The following SLC16A7 variants were observed in gnomAD, a reference collection of about 807,000 sequenced individuals.
The protein encoded by SLC16A7 is monocarboxylate transporter 2.
In SLC16A7, 33 loss-of-function variants were observed where a neutral mutation model predicts 34.9. The ratio of observed to expected loss-of-function variants is 0.94; its 90% CI spans 0.72 to 1.26. SLC16A7 has a LOEUF of 1.26. SLC16A7 is among the 50% of genes most tolerant of loss of function. The pLI is 0.00. For missense variants in SLC16A7, 573 were observed against 578.1 expected (o/e 0.99, Z 0.09); for synonymous variants, 201 against 206.6 (o/e 0.97, Z 0.23).
At chr12:59,612,126 G>C (rs1295642341) in intron 1 of SLC16A7, among the ~76,000 whole-genome samples, 2 of 152,168 alleles carry the variant, frequency 1.3e-5, no homozygotes, top group African/African-American at 4.8e-5. Flanking sequence ...CTTCCTCACT[G>C]TCCTCAGCAG....
At chr12:59,688,088 G>C (rs1017500893) in intron 2 of SLC16A7, among the ~76,000 whole-genome samples, 2 of 151,988 alleles carry the variant, frequency 1.3e-5, no homozygotes, top group Non-Finnish European at 2.9e-5. Flanking sequence ...TCATAATCCT[G>C]ATTATTGGTA....
intron 5 of SLC16A7, 28 bp from the exon 6 acceptor site, chr12:59,779,395 A>AACTT: frequency 6.6e-7 from 1 of 1,524,134 alleles, no homozygotes. Flanking sequence ...TTATTATGCC[A>AACTT]ACTTAAAAGA....
At chr12:59,708,784 ATT>A (rs1873882543) in intron 3 of SLC16A7, among the ~76,000 whole-genome samples, 2 of 151,774 alleles carry the variant, frequency 1.3e-5, no homozygotes, top group Non-Finnish European at 1.5e-5. Flanking sequence ...GTAGCAAGGT[ATT>A]ATCTTCCCTT....
In SLC16A7 at chr12:59,779,431, G is replaced by A. The variant is rs759066157; in HGVS notation, c.1189G>A (p.Val397Met). The A allele has an allele frequency of 4.4e-6, 7 of 1,583,984 alleles. No homozygotes were observed. The highest frequency in any genetic ancestry group is 2.6e-6 in the Non-Finnish European group (3 of 1,162,676). ...LLGPPLAGKL[V>M]DLTGEYKYMY... ...TGTTCTTTGTCTTCTAGGTAAATTG[G>A]TGGATTTAACTGGAGAATATAAATA... The change falls in exon 6 of 6, where the codon GTG becomes ATG. Residue 397 changes from valine to methionine, a missense_variant. Val to Met is a conservative substitution (Grantham distance 21). Transcript: ENST00000547379.
At chr12:59,732,399 G>A (rs1592596816) in intron 3 of SLC16A7, among the ~76,000 whole-genome samples, 1 of 152,120 alleles carries the variant, frequency 6.6e-6, no homozygotes, top group Non-Finnish European at 1.5e-5. Context: ...CAGCCTGGGC[G>A]ACAAGAGCAA....
At chr12:59,619,355 C>T (rs1455879615) in intron 1 of SLC16A7, among the ~76,000 whole-genome samples, 1 of 151,978 alleles carries the variant, frequency 6.6e-6, no homozygotes, top group Non-Finnish European at 1.5e-5. Context: ...TTACTGAATC[C>T]ATGAAAAGTG....
chr12:59,641,941 T>C (rs1880705862), intron 1 of SLC16A7, among the ~76,000 whole-genome samples: 2 of 152,152 alleles, frequency 1.3e-5, no homozygotes, highest in South Asian at 4.1e-4. Flanking sequence ...TTATCAAAAC[T>C]GTATCTATGT....
chr12:59,735,662 TAGGTA>T (rs1486971733), intron 3 of SLC16A7, among the ~76,000 whole-genome samples: 1 of 152,206 alleles, frequency 6.6e-6, no homozygotes, highest in African/African-American at 2.4e-5. Flanking sequence ...TGCCTTATCA[TAGGTA>T]ACTGTGGGGT....
chr12:59,752,465 C>T (rs898880632), intron 3 of SLC16A7, among the ~76,000 whole-genome samples: 1 of 152,048 alleles, frequency 6.6e-6, no homozygotes, highest in Non-Finnish European at 1.5e-5. Context: ...AATGCAGAAA[C>T]CTCAGGAGCG....
chr12:59,740,484 GA>G (rs1878181843), intron 3 of SLC16A7, among the ~76,000 whole-genome samples: 1 of 152,032 alleles, frequency 6.6e-6, no homozygotes, highest in African/African-American at 2.4e-5. Context: ...AGCAGATGCA[GA>G]AAAGGCCTTT....
chr12:59,703,535 TA>T (rs1218238196), intron 2 of SLC16A7, among the ~76,000 whole-genome samples: 26 of 152,282 alleles, frequency 1.7e-4, no homozygotes, highest in Admixed American at 1.6e-3. Context: ...AATATATTTA[TA>T]AAAAATGTTT....
rs1364588697 is a variant in SLC16A7 at position 59,780,375 on chromosome 12, A to G, written c.*696A>G. ...GACTACTATAAAAATATTTGCATAT[A>G]TAAGTTTGACAAAGAAAAGAAAATC... On this transcript the variant is annotated 3_prime_UTR_variant, in exon 6 of 6. Transcript: ENST00000547379. 6.6e-6 allele frequency: 1 copy of G among 152,130 alleles called. No homozygotes were observed. The highest frequency in any genetic ancestry group is 1.9e-4 in the East Asian group (1 of 5,196). 9.4% of individuals were successfully genotyped at this position (152,130 alleles called of 1,614,324 possible). A position where few individuals can be genotyped will look rare whatever the true frequency, so the allele number is the denominator to read the frequency against.
At chr12:59,630,114 T>C (rs967718381) in intron 1 of SLC16A7, among the ~76,000 whole-genome samples, 4 of 151,986 alleles carry the variant, frequency 2.6e-5, no homozygotes, top group East Asian at 3.9e-4. Flanking sequence ...TGACTCTCCT[T>C]CTTTCTTTCT....
In SLC16A7 at chr12:59,759,536, G is replaced by A. The variant is rs571818821; in HGVS notation, c.218-11683G>A. On this transcript the variant is annotated intron_variant, in intron 3 of 5. Transcript: ENST00000547379. ...TACAGTTTTTTATTTACGTCCCAATGTTTCTTTACAGATTACTGAACTATG... is the reference window on the plus strand; with the variant it reads ...TACAGTTTTTTATTTACGTCCCAATATTTCTTTACAGATTACTGAACTATG... 2.0e-5 allele frequency among the ~76,000 whole-genome samples: 3 copies of A among 151,904 alleles called. No individual in the cohort carries two copies. In the East Asian group the frequency reaches 5.8e-4, roughly 29 times the overall value.
At chr12:59,624,608 T>C (rs1054269771) in intron 1 of SLC16A7, among the ~76,000 whole-genome samples, 3 of 151,814 alleles carry the variant, frequency 2.0e-5, no homozygotes, top group African/African-American at 7.2e-5. Context: ...ATGTTTTGAA[T>C]CACCTTTGTA....
chr12:59,694,900 G>GAGTCTTCCTGGATT (rs1434439819), intron 2 of SLC16A7, among the ~76,000 whole-genome samples: 1 of 151,968 alleles, frequency 6.6e-6, no homozygotes. Flanking sequence ...CTGTCAAGCA[G>GAGTCTTCCTGGATT]AGTCTTCCTG....
At chr12:59,753,847 T>A (rs568928805) in intron 3 of SLC16A7, among the ~76,000 whole-genome samples, 1 of 152,256 alleles carries the variant, frequency 6.6e-6, no homozygotes, top group South Asian at 2.1e-4. Flanking sequence ...ATTGACCACA[T>A]ACTTGGAAGT....
intron 2 of SLC16A7, among the ~76,000 whole-genome samples, chr12:59,662,078 C>A (rs1354972510): frequency 1.3e-5 from 2 of 151,940 alleles, no homozygotes; most frequent in African/African-American, 4.8e-5. Context: ...TGTTGTGAGA[C>A]CTTTGTTTTT....
At chr12:59,731,608 T>A (rs928983464) in intron 3 of SLC16A7, among the ~76,000 whole-genome samples, 3 of 152,198 alleles carry the variant, frequency 2.0e-5, no homozygotes, top group Non-Finnish European at 4.4e-5. Flanking sequence ...TCTTCGTTAT[T>A]TTCTAGCCAT....
Sources: allele counts gnomAD v4.1 joint callset (sites outside exome capture counted in the v4.1 genomes callset), GRCh38; gene constraint gnomAD v4.1.1; transcripts MANE v1.5; gene names NCBI Gene and HGNC (gene_info 2026-07-23, HGNC 2026-07-21).